CDC14A: variants seen among roughly 807,000 people sequenced by gnomAD.
The protein encoded by CDC14A is dual specificity protein phosphatase CDC14A.
A neutral mutation model predicts 74.4 loss-of-function variants in CDC14A; 53 were observed. The observed-to-expected ratio is 0.71, with a 90% CI of 0.57 to 0.89. CDC14A has a LOEUF of 0.89. Among genes scored for constraint, CDC14A ranks in the 40% least tolerant of loss-of-function variants. The pLI is 0.00. For missense variants in CDC14A, 646 were observed against 713.7 expected, an observed-to-expected ratio of 0.91 and a Z score of 1.08; for synonymous variants, 247 against 258.4, an observed-to-expected ratio of 0.96 and a Z score of 0.43.
intron 8 of CDC14A, among the ~76,000 whole-genome samples, chr1:100,461,844 T>C (rs1248833502): frequency 6.6e-6 from 1 of 152,246 alleles, no homozygotes; most frequent in African/African-American, 2.4e-5. Context: ...TATATATTTA[T>C]GGTGTACAAC....
At chr1:100,499,615 G>A (rs1018253234) in intron 15 of CDC14A, 1 of 578,852 alleles carries the variant, frequency 1.7e-6, no homozygotes, top group Non-Finnish European at 2.8e-6. Flanking sequence ...AATATCTGGT[G>A]CTAAGCCAGG....
chr1:100,463,587 A>T (rs6577172), intron 9 of CDC14A, among the ~76,000 whole-genome samples: 8,908 of 152,284 alleles, frequency 0.058, 886 homozygotes, highest in African/African-American at 0.2. Flanking sequence ...TAAATTTGAA[A>T]GTTAGATAAA....
At chr1:100,377,689 G>A (rs1655482132) in intron 3 of CDC14A, 68 bp downstream of exon 3, 2 of 1,156,526 alleles carry the variant, frequency 1.7e-6, no homozygotes, top group African/African-American at 1.5e-5. Flanking sequence ...GCTCAGTGGG[G>A]TTGGTGTGCA....
At chr1:100,381,362 C>T (rs1238412300) in intron 3 of CDC14A, among the ~76,000 whole-genome samples, 1 of 152,226 alleles carries the variant, frequency 6.6e-6, no homozygotes, top group Admixed American at 6.5e-5. Context: ...GATCCTCAAA[C>T]TCCTTTACTT....
In CDC14A at chr1:100,504,880, TCTCATCTTTAAATAAAGACATATATTAC is replaced by T. The variant is rs1199923217; in HGVS notation, c.1755+5622_1755+5649del. ...AAGCCCCCTGCTCTCCTTACCAATT[TCTCATCTTTAAATAAAGACATATATTAC>T]CTCCCATGTCTTCTGTGAAGCTCTC... On this transcript the variant is annotated intron_variant, in intron 15 of 15. Coordinates refer to ENST00000336454, the MANE Select transcript of CDC14A (RefSeq NM_003672.4). The T allele has an allele frequency of 3.3e-6, 5 of 1,535,396 alleles. No homozygotes were observed. The African/African-American group carries it at 5.5e-5, about 17-fold the overall frequency.
At chr1:100,418,023 T>C (rs1661751605) in intron 4 of CDC14A, among the ~76,000 whole-genome samples, 2 of 152,170 alleles carry the variant, frequency 1.3e-5, no homozygotes, top group African/African-American at 4.8e-5. Context: ...TATGAGTTTC[T>C]ATGAGGGAGC....
At chr1:100,461,283 A>C (rs1331418394) in intron 8 of CDC14A, among the ~76,000 whole-genome samples, 2 of 152,200 alleles carry the variant, frequency 1.3e-5, no homozygotes, top group African/African-American at 4.8e-5. Context: ...ATAGAAAGGT[A>C]GTCTGGGAAA....
intron 5 of CDC14A, among the ~76,000 whole-genome samples, chr1:100,430,560 G>A (rs1338480622): frequency 6.6e-6 from 1 of 152,180 alleles, no homozygotes; most frequent in Non-Finnish European, 1.5e-5. Flanking sequence ...GTCAACCACT[G>A]TAGGTCTTTA....
intron 4 of CDC14A, among the ~76,000 whole-genome samples, chr1:100,412,714 ATATATATATTTT>A (rs1660930051): frequency 9.9e-6 from 1 of 100,938 alleles, no homozygotes. Context: ...ATATATATAT[ATATATATATTTT>A]ATATATATAT....
At chr1:100,411,903 G>C (rs1259855376) in intron 4 of CDC14A, among the ~76,000 whole-genome samples, 1 of 152,186 alleles carries the variant, frequency 6.6e-6, no homozygotes, top group Non-Finnish European at 1.5e-5. Flanking sequence ...TGGAAGTTCA[G>C]AGATGCCCTC....
intron 11 of CDC14A, chr1:100,485,015 T>G: frequency 1.0e-6 from 1 of 985,162 alleles, no homozygotes; most frequent in Non-Finnish European, 1.2e-6. Context: ...ATCAGAGATG[T>G]TCTAACCTCA....
At chr1:100,447,085 G>C (rs988887378) in intron 7 of CDC14A, among the ~76,000 whole-genome samples, 4 of 152,182 alleles carry the variant, frequency 2.6e-5, no homozygotes, top group Admixed American at 2.6e-4. Context: ...CTAGAGTATG[G>C]ATTCTGTAAG....
At chr1:100,362,040 C>A (rs138277388) in intron 2 of CDC14A, among the ~76,000 whole-genome samples, 14 of 152,072 alleles carry the variant, frequency 9.2e-5, no homozygotes, top group Non-Finnish European at 1.9e-4. Context: ...AGAGGGACAC[C>A]TTTAAGTAGG....
At chr1:100,428,864 G>A (rs1285124761) in intron 5 of CDC14A, among the ~76,000 whole-genome samples, 1 of 152,046 alleles carries the variant, frequency 6.6e-6, no homozygotes, top group Non-Finnish European at 1.5e-5. Flanking sequence ...AGGTTGGTAC[G>A]TTTTTTAGTA....
chr1:100,474,289 G>A (rs781762108), intron 10 of CDC14A, among the ~76,000 whole-genome samples: 6 of 152,028 alleles, frequency 3.9e-5, no homozygotes, highest in East Asian at 1.9e-4. Flanking sequence ...ACATTGGTTT[G>A]TAGTTTTCTT....
chr1:100,429,666 C>T (rs942826973), intron 5 of CDC14A, among the ~76,000 whole-genome samples: 3 of 148,510 alleles, frequency 2.0e-5, no homozygotes, highest in South Asian at 2.1e-4. Context: ...AACTCCTGCT[C>T]TGTAAGATGT....
chr1:100,437,565 T>G (rs985205650), intron 5 of CDC14A, among the ~76,000 whole-genome samples: 1 of 152,228 alleles, frequency 6.6e-6, no homozygotes, highest in Non-Finnish European at 1.5e-5. Context: ...CTCTGTGCCT[T>G]TTCAGCCTGT....
At chr1:100,453,781 A>G (rs1442523745) in intron 7 of CDC14A, among the ~76,000 whole-genome samples, 2 of 152,196 alleles carry the variant, frequency 1.3e-5, no homozygotes, top group Non-Finnish European at 2.9e-5. Flanking sequence ...CTGGGACTAC[A>G]GGCACACACC....
chr1:100,413,030 C>G (rs1194370454), intron 4 of CDC14A, among the ~76,000 whole-genome samples: 2 of 150,910 alleles, frequency 1.3e-5, no homozygotes, highest in African/African-American at 4.9e-5. Flanking sequence ...GCGCTCCAGC[C>G]TGGGTGACAA....
Sources: allele counts gnomAD v4.1 joint callset (sites outside exome capture counted in the v4.1 genomes callset), GRCh38; gene constraint gnomAD v4.1.1; transcripts MANE v1.5; gene names NCBI Gene and HGNC (gene_info 2026-07-23, HGNC 2026-07-21).